Variants in MRRF observed in about 807,000 individuals in gnomAD.
MRRF encodes ribosome-recycling factor, mitochondrial.
Under a neutral mutation model 25.1 loss-of-function variants are expected in MRRF, and 18 were observed. That is an observed-to-expected ratio of 0.72 (90% CI 0.50 to 1.06). MRRF has a LOEUF of 1.06. Ranked by LOEUF, MRRF falls within the 50% of genes least tolerant of loss-of-function variation. The probability of loss-of-function intolerance (pLI) is 0.00; values close to 1 mark genes in which losing one functional copy is unlikely to be tolerated. For synonymous variants in MRRF, 113 were observed against 112.1 expected, an observed-to-expected ratio of 1.01 and a Z score of -0.05; for missense variants, 323 against 319.3, an observed-to-expected ratio of 1.01 and a Z score of -0.09.
rs1432005482 is a variant in MRRF, at chr9:122,323,845, A to G, written c.*1228A>G. Reference sequence around the variant, plus strand: ...AGCTGATCAGTGGTAGAAGGTTTTCATGATTCATTGTCAGCGTCATTTACA... The same window carrying G: ...AGCTGATCAGTGGTAGAAGGTTTTCGTGATTCATTGTCAGCGTCATTTACA... On this transcript the variant is annotated 3_prime_UTR_variant, in exon 7 of 7. Coordinates refer to ENST00000344641, the MANE Select transcript of MRRF (RefSeq NM_138777.5). 6.6e-6 allele frequency: 1 copy of G among 152,232 alleles called. No individual in the cohort carries two copies. Among genetic ancestry groups the G allele is most frequent in the Non-Finnish European group, 1.5e-5 (1 of 68,038 alleles). The allele number at this position is 152,232 out of a possible 1,614,324, so 9.4% of individuals were successfully genotyped here. A position where few individuals can be genotyped will look rare whatever the true frequency, so the allele number is the denominator to read the frequency against.
intron 2 of MRRF, among the ~76,000 whole-genome samples, chr9:122,279,006 G>A (rs1273897623): frequency 7.9e-5 from 12 of 152,146 alleles, no homozygotes; most frequent in East Asian, 7.7e-4. Flanking sequence ...CCGAGTAGCC[G>A]GGATTACAGG....
chr9:122,275,968 C>T (rs1008385602), intron 2 of MRRF, among the ~76,000 whole-genome samples: 7 of 152,120 alleles, frequency 4.6e-5, no homozygotes, highest in Non-Finnish European at 7.4e-5. Flanking sequence ...AGTGCAGTGG[C>T]ATGATCTCAG....
intron 6 of MRRF, among the ~76,000 whole-genome samples, chr9:122,318,197 A>G (rs1473031028): frequency 1.1e-4 from 16 of 151,044 alleles, no homozygotes; most frequent in Admixed American, 1.1e-3. Context: ...GTCATGTTTG[A>G]CCCCCAGATT....
At chr9:122,310,570 G>A (rs565902182) in intron 5 of MRRF, among the ~76,000 whole-genome samples, 9 of 152,296 alleles carry the variant, frequency 5.9e-5, no homozygotes, top group South Asian at 4.1e-4. Context: ...TGCTCCTTCC[G>A]CAGTAGATAC....
At chr9:122,321,982 G>A (rs572675115) in intron 6 of MRRF, among the ~76,000 whole-genome samples, 6 of 152,200 alleles carry the variant, frequency 3.9e-5, no homozygotes, top group East Asian at 3.9e-4. Flanking sequence ...CTGAATAAGC[G>A]ATCTAAATGC....
chr9:122,312,000 T>C (rs2118960393), intron 5 of MRRF, among the ~76,000 whole-genome samples: 1 of 152,322 alleles, frequency 6.6e-6, no homozygotes, highest in South Asian at 2.1e-4. Context: ...CAAGATCTGA[T>C]CCAAATCCCT....
chr9:122,274,655 T>A (rs1373476820), intron 2 of MRRF, among the ~76,000 whole-genome samples: 4 of 152,110 alleles, frequency 2.6e-5, no homozygotes, highest in Non-Finnish European at 5.9e-5. Flanking sequence ...TAGTAAGTTA[T>A]ATATTTTAGG....
At chr9:122,292,739 G>A (rs1194296142) in intron 5 of MRRF, among the ~76,000 whole-genome samples, 2 of 152,114 alleles carry the variant, frequency 1.3e-5, no homozygotes, top group Non-Finnish European at 2.9e-5. Flanking sequence ...CTCTCTGACT[G>A]CTGGTTTAAC....
At chr9:122,305,345 A>T (rs1279153698) in intron 5 of MRRF, among the ~76,000 whole-genome samples, 1 of 147,712 alleles carries the variant, frequency 6.8e-6, no homozygotes, top group Non-Finnish European at 1.5e-5. Context: ...TGGGAGGCAG[A>T]GGTTTGCAGT....
In MRRF at chr9:122,285,445, C is replaced by G. The variant is rs113354129; in HGVS notation, c.459+158C>G. 1.6e-3 allele frequency: 1,128 copies of G among 709,526 alleles called. 12 individuals are homozygous for G. In the African/African-American group the frequency reaches 0.018, roughly 11 times the overall value. 44.0% of individuals were successfully genotyped at this position (709,526 alleles called of 1,614,324 possible). ...TAAGGCAAAGCTCTTTTCCTGTTGCCAGATTCCTTTTCTGTTAAACTCAGA... is the reference window on the plus strand; with the variant it reads ...TAAGGCAAAGCTCTTTTCCTGTTGCGAGATTCCTTTTCTGTTAAACTCAGA... On this transcript the variant is annotated intron_variant, in intron 4 of 6. Coordinates refer to ENST00000344641, the MANE Select transcript of MRRF (RefSeq NM_138777.5).
chr9:122,319,147 CTTTTTTTTTTTT>C (rs35949709), intron 6 of MRRF, among the ~76,000 whole-genome samples: 7 of 121,032 alleles, frequency 5.8e-5, no homozygotes, highest in African/African-American at 1.2e-4. Context: ...TTCTTTCTTT[CTTTTTTTTTTTT>C]TTTTTTTTTG....
intron 4 of MRRF, among the ~76,000 whole-genome samples, chr9:122,289,108 T>C (rs1019162610): frequency 1.3e-5 from 2 of 152,208 alleles, no homozygotes; most frequent in Non-Finnish European, 2.9e-5. Context: ...TGTCCTACCA[T>C]GTCAAAGGAA....
intron 6 of MRRF, among the ~76,000 whole-genome samples, chr9:122,318,787 T>G (rs1307804749): frequency 6.6e-6 from 1 of 152,260 alleles, no homozygotes; most frequent in Non-Finnish European, 1.5e-5. Flanking sequence ...CTTTTACTTC[T>G]TAGCTGTTAA....
At chr9:122,313,169 C>A in intron 5 of MRRF, 58 bp from the exon 6 acceptor site, 1 of 1,546,884 alleles carries the variant, frequency 6.5e-7, no homozygotes, top group East Asian at 2.3e-5. Flanking sequence ...ATGTTAAATT[C>A]TTGGCCAGCA....
In MRRF at chr9:122,331,282, ATTC is replaced by A. The variant is rs1836275604; in HGVS notation, c.*8668_*8670del. Reference sequence around the variant, plus strand: ...AATTTAAATTAACGGACTATTACCTATTCTTAGAGCTTTCTCTTTTGTTTTTGG... The same window carrying A: ...AATTTAAATTAACGGACTATTACCTATTAGAGCTTTCTCTTTTGTTTTTGG... On this transcript the variant is annotated 3_prime_UTR_variant, in exon 7 of 7. Transcript: ENST00000344641. The A allele has an allele frequency of 6.6e-6, 1 of 152,194 alleles. No homozygotes were observed. Among genetic ancestry groups the A allele is most frequent in the South Asian group, 2.1e-4 (1 of 4,826 alleles). The allele number at this position is 152,194 out of a possible 1,614,324, so 9.4% of individuals were successfully genotyped here.
intron 2 of MRRF, among the ~76,000 whole-genome samples, chr9:122,272,364 G>A (rs1832514469): frequency 6.6e-6 from 1 of 152,102 alleles, no homozygotes; most frequent in East Asian, 1.9e-4. Flanking sequence ...TTCTTTGATT[G>A]CCTCTTTAAA....
chr9:122,330,182 G>C lies in MRRF; in HGVS notation c.*7565G>C, dbSNP rs539333605. 1.3e-5 allele frequency: 2 copies of C among 152,620 alleles called. No homozygotes were observed. The highest frequency in any genetic ancestry group is 3.9e-4 in the East Asian group (2 of 5,192). 9.5% of individuals were successfully genotyped at this position (152,620 alleles called of 1,614,324 possible). On this transcript the variant is annotated 3_prime_UTR_variant, in exon 7 of 7. Transcript: ENST00000344641. This position sits in a 1 kb window ranked among gnomAD's most constrained non-coding sequence, Gnocchi z 4.2. ...GGGAGATTTACCTCCACTACTGGGA[G>C]TGTTAGTGTCTGTGACAAAAGTGCT...
chr9:122,277,285 A>G (rs1290691458), intron 2 of MRRF, among the ~76,000 whole-genome samples: 3 of 152,126 alleles, frequency 2.0e-5, no homozygotes, highest in Admixed American at 6.5e-5. Context: ...ATGATTTCCA[A>G]TAGTGAATTT....
intron 5 of MRRF, among the ~76,000 whole-genome samples, chr9:122,312,726 T>G (rs909794618): frequency 6.6e-6 from 1 of 152,226 alleles, no homozygotes; most frequent in African/African-American, 2.4e-5. Flanking sequence ...AAAACGTGGT[T>G]CGTGACCTTG....
Sources: allele counts gnomAD v4.1 joint callset (sites outside exome capture counted in the v4.1 genomes callset), GRCh38; gene constraint gnomAD v4.1.1; non-coding constraint Gnocchi (gnomAD v3.1); transcripts MANE v1.5; gene names NCBI Gene and HGNC (gene_info 2026-07-23, HGNC 2026-07-21).